Variants in STK39 observed in about 807,000 individuals in gnomAD.
STK39 encodes the protein serine/threonine kinase 39.
In STK39, 20 loss-of-function variants were observed where a neutral mutation model predicts 77.8. The ratio of observed to expected loss-of-function variants is 0.26; its 90% CI spans 0.18 to 0.37. STK39 has a LOEUF of 0.37. STK39 is among the 10% of genes least tolerant of loss of function. The pLI is 1.00. For synonymous variants in STK39, 246 were observed against 234.1 expected (o/e 1.05, Z -0.47); for missense variants, 479 against 656.5 (o/e 0.73, Z 2.95).
At chr2:168,170,407 A>C (rs1467434932) in intron 2 of STK39, among the ~76,000 whole-genome samples, 2 of 152,252 alleles carry the variant, frequency 1.3e-5, no homozygotes, top group Non-Finnish European at 2.9e-5. Context: ...TTTCGACAGA[A>C]TGAATGGGTT....
chr2:168,115,228 A>T (rs1419051860), intron 10 of STK39, among the ~76,000 whole-genome samples: 1 of 152,242 alleles, frequency 6.6e-6, no homozygotes, highest in Non-Finnish European at 1.5e-5. Context: ...TAACATTCCA[A>T]TGCCAAAAAT....
chr2:168,222,705 T>C (rs1335291971), intron 1 of STK39, among the ~76,000 whole-genome samples: 1 of 152,192 alleles, frequency 6.6e-6, no homozygotes, highest in Non-Finnish European at 1.5e-5. Context: ...AATTACCCTA[T>C]AGGAGGTGCT....
intron 5 of STK39, among the ~76,000 whole-genome samples, chr2:168,158,070 C>T (rs1000417536): frequency 2.0e-5 from 3 of 152,124 alleles, no homozygotes; most frequent in African/African-American, 7.2e-5. Flanking sequence ...TAAGCTCTTC[C>T]TGACAATATG....
At chr2:167,973,995 A>T (rs1683192120) in intron 16 of STK39, among the ~76,000 whole-genome samples, 1 of 152,196 alleles carries the variant, frequency 6.6e-6, no homozygotes, top group African/African-American at 2.4e-5. Context: ...AAACTGATTA[A>T]GACTGGAAAG....
intron 1 of STK39, among the ~76,000 whole-genome samples, chr2:168,222,834 G>A (rs1363862645): frequency 6.6e-6 from 1 of 152,140 alleles, no homozygotes; most frequent in Non-Finnish European, 1.5e-5. Context: ...CACACATTGA[G>A]TTCTTTCCAT....
chr2:168,138,326 A>G (rs1687890553), intron 7 of STK39, 105 bp from the exon 8 acceptor site: 20 of 1,410,852 alleles, frequency 1.4e-5, no homozygotes, highest in Non-Finnish European at 1.9e-5. Context: ...GATTAGATAC[A>G]AAGTGCTTTC....
chr2:168,001,611 A>G (rs1684003920), intron 16 of STK39, among the ~76,000 whole-genome samples: 1 of 152,218 alleles, frequency 6.6e-6, no homozygotes, highest in Admixed American at 6.5e-5. Flanking sequence ...TAAGCCCACA[A>G]TGAATAAAAA....
chr2:168,176,010 A>G (rs1167868518), intron 2 of STK39, among the ~76,000 whole-genome samples: 1 of 152,198 alleles, frequency 6.6e-6, no homozygotes, highest in African/African-American at 2.4e-5. Context: ...AAAAAACTCT[A>G]CAACAAATAG....
At chr2:168,210,230 C>T (rs1194236846) in intron 1 of STK39, among the ~76,000 whole-genome samples, 5 of 152,148 alleles carry the variant, frequency 3.3e-5, no homozygotes, top group African/African-American at 1.2e-4. Flanking sequence ...ATATTGGAAA[C>T]TGACACTTTT....
Position 168,247,325 on chromosome 2 carries a change from C to T in STK39, c.111G>A (p.Pro37=), listed in dbSNP as rs1401448375. 3 of 890,192 alleles carry T rather than the reference C, an allele frequency of 3.4e-6. No individual in the cohort carries two copies. The highest frequency in any genetic ancestry group is 4.1e-6 in the Non-Finnish European group (3 of 725,706). 55.1% of individuals were successfully genotyped at this position (890,192 alleles called of 1,614,324 possible). ...APAAATAAPA[P]AAPAAPAPAP... is the part of the protein sequence containing the mutation. ...CCGGGGCCGGGGCCGCGGGAGCTGC[C>T]GGGGCCGGCGCTGCTGTCGCGGCCG... is the stretch of plus-strand genomic sequence containing the variant. Residue 37 remains proline, a synonymous_variant, in exon 1 of 18, where the codon CCG becomes CCA. Coordinates refer to ENST00000355999, the MANE Select transcript of STK39 (RefSeq NM_013233.3).
At chr2:167,959,032 G>C (rs945923868) in intron 17 of STK39, among the ~76,000 whole-genome samples, 126 of 152,208 alleles carry the variant, frequency 8.3e-4, no homozygotes, top group African/African-American at 3.0e-3. Context: ...TTACAGTAGC[G>C]ATACAAGTTT....
intron 1 of STK39, among the ~76,000 whole-genome samples, chr2:168,239,329 C>T (rs1488670249): frequency 6.6e-6 from 1 of 152,202 alleles, no homozygotes; most frequent in Non-Finnish European, 1.5e-5. Flanking sequence ...CCCCACTCCA[C>T]CCTACAATGT....
chr2:168,137,956 TG>T, intron 8 of STK39, 131 bp downstream of exon 8: 2 of 1,277,458 alleles, frequency 1.6e-6, no homozygotes, highest in African/African-American at 1.5e-5. Context: ...GTTGGAAATC[TG>T]GGGACCACAG....
intron 14 of STK39, among the ~76,000 whole-genome samples, chr2:168,023,977 T>G (rs1684635774): frequency 6.6e-6 from 1 of 152,184 alleles, no homozygotes; most frequent in East Asian, 1.9e-4. Flanking sequence ...CAGCTGTTAG[T>G]GTCCAGGGAA....
chr2:168,107,843 A>G (rs1687018835), intron 10 of STK39, among the ~76,000 whole-genome samples: 1 of 152,236 alleles, frequency 6.6e-6, no homozygotes, highest in Admixed American at 6.5e-5. Context: ...AAATGTTTAT[A>G]GTGTCCTAAA....
chr2:168,095,160 C>G (rs1338721114), intron 10 of STK39, among the ~76,000 whole-genome samples: 1 of 152,196 alleles, frequency 6.6e-6, no homozygotes, highest in Admixed American at 6.5e-5. Flanking sequence ...CCTGAGCCAA[C>G]TTCTACAGTT....
intron 16 of STK39, among the ~76,000 whole-genome samples, chr2:167,996,363 A>T (rs996127049): frequency 2.0e-5 from 3 of 152,208 alleles, no homozygotes; most frequent in African/African-American, 7.2e-5. Context: ...GACACAACTC[A>T]CTTTCTGAAC....
chr2:168,241,328 A>G (rs1018816150), intron 1 of STK39, among the ~76,000 whole-genome samples: 2 of 152,206 alleles, frequency 1.3e-5, no homozygotes, highest in African/African-American at 2.4e-5. Context: ...TCCTGCCAGC[A>G]TGGCAGCCTC....
At chr2:168,005,178 G>GT (rs1684098756) in intron 16 of STK39, among the ~76,000 whole-genome samples, 2 of 151,774 alleles carry the variant, frequency 1.3e-5, no homozygotes, top group Non-Finnish European at 2.9e-5. Flanking sequence ...GCTAATTTTT[G>GT]TATTTTCAGT....
Sources: allele counts gnomAD v4.1 joint callset (sites outside exome capture counted in the v4.1 genomes callset), GRCh38; gene constraint gnomAD v4.1.1; transcripts MANE v1.5; gene names NCBI Gene and HGNC (gene_info 2026-07-23, HGNC 2026-07-21).